DIP2C: variants seen among roughly 807,000 people sequenced by gnomAD.
DIP2C encodes the protein disco-interacting protein 2 homolog C.
DIP2C carries 33 observed loss-of-function variants against 192.4 expected under a neutral mutation model. The ratio of observed to expected loss-of-function variants is 0.17; its 90% CI spans 0.13 to 0.23. The LOEUF is 0.23. DIP2C is among the 10% of genes least tolerant of loss of function. The pLI is 1.00. For missense variants in DIP2C, 1,537 were observed against 2,110.1 expected, an observed-to-expected ratio of 0.73 and a Z score of 5.32; for synonymous variants, 979 against 864.1, an observed-to-expected ratio of 1.13 and a Z score of -2.33.
intron 3 of DIP2C, among the ~76,000 whole-genome samples, chr10:458,279 T>C (rs1371290902): frequency 2.0e-5 from 3 of 152,174 alleles, no homozygotes; most frequent in Non-Finnish European, 2.9e-5. Flanking sequence ...AATGAGAAAA[T>C]TGAGTTGTTC....
intron 32 of DIP2C, 79 bp downstream of exon 32, chr10:309,952 C>G (rs1323576374): frequency 2.9e-6 from 4 of 1,384,048 alleles, no homozygotes; most frequent in Non-Finnish European, 4.1e-6. Context: ...ACCTCTTCTT[C>G]TAGATGGAGA....
At chr10:635,985 G>A (rs539978092) in intron 1 of DIP2C, among the ~76,000 whole-genome samples, 1 of 152,316 alleles carries the variant, frequency 6.6e-6, no homozygotes, top group South Asian at 2.1e-4. Context: ...AAGTGAAGCC[G>A]TTACCACAGA....
chr10:297,356 A>G (rs1329905022), intron 32 of DIP2C, among the ~76,000 whole-genome samples: 3 of 151,658 alleles, frequency 2.0e-5, no homozygotes, highest in African/African-American at 7.3e-5. Flanking sequence ...TCATCAGTGT[A>G]CTGGAGAGAC....
intron 1 of DIP2C, among the ~76,000 whole-genome samples, chr10:529,235 C>G (rs1014329333): frequency 1.3e-5 from 2 of 152,154 alleles, no homozygotes; most frequent in Non-Finnish European, 2.9e-5. Context: ...GTACAGTGAG[C>G]ACTTATGGAC....
intron 1 of DIP2C, among the ~76,000 whole-genome samples, chr10:685,444 T>TG (rs1225269763): frequency 6.6e-6 from 1 of 151,946 alleles, no homozygotes. Flanking sequence ...GTACAAAGCA[T>TG]GGCACCTATT....
intron 3 of DIP2C, among the ~76,000 whole-genome samples, chr10:446,674 C>T (rs544513282): frequency 1.3e-5 from 2 of 152,314 alleles, no homozygotes; most frequent in South Asian, 4.1e-4. Context: ...CAGAGCGCCC[C>T]GGCTGCCACC....
chr10:430,747 A>T (rs1966848853), intron 4 of DIP2C, among the ~76,000 whole-genome samples: 1 of 152,290 alleles, frequency 6.6e-6, no homozygotes, highest in Non-Finnish European at 1.5e-5. Context: ...CTTATCACCA[A>T]ATCAAAGTCA....
intron 1 of DIP2C, among the ~76,000 whole-genome samples, chr10:521,506 A>T (rs959483852): frequency 3.9e-5 from 6 of 152,198 alleles, no homozygotes; most frequent in African/African-American, 1.4e-4. Flanking sequence ...GTGTGGTCCC[A>T]GCCCTGCTGC....
intron 1 of DIP2C, among the ~76,000 whole-genome samples, chr10:553,858 G>T (rs1848707011): frequency 6.6e-6 from 1 of 150,658 alleles, no homozygotes; most frequent in African/African-American, 2.4e-5. Context: ...GTATACGCTT[G>T]TAACTAACAG....
At chr10:541,169 A>G (rs1480225055) in intron 1 of DIP2C, among the ~76,000 whole-genome samples, 1 of 151,980 alleles carries the variant, frequency 6.6e-6, no homozygotes, top group African/African-American at 2.4e-5. Context: ...AGGAGCTGAG[A>G]ATGTACCAAA....
intron 1 of DIP2C, among the ~76,000 whole-genome samples, chr10:574,616 CAA>C (rs1850038991): frequency 6.6e-6 from 1 of 152,218 alleles, no homozygotes; most frequent in Admixed American, 6.5e-5. Flanking sequence ...GAAACATACT[CAA>C]GAGACCCTGA....
chr10:580,924 TAA>T (rs983975452), intron 1 of DIP2C, among the ~76,000 whole-genome samples: 1 of 151,952 alleles, frequency 6.6e-6, no homozygotes, highest in Admixed American at 6.5e-5. Context: ...AAGCACTCCT[TAA>T]AAAATTAGAA....
In DIP2C at chr10:390,520, C is replaced by A. The variant is rs759519044; in HGVS notation, c.1385-147G>T. On this transcript the variant is annotated intron_variant, in intron 11 of 36. Transcript: ENST00000280886. ...GACTTCACGAGATCTAAGACATCAA[C>A]AGAAGAGCACCCAAGCCGCCACCAT... 1.0e-5 allele frequency: 11 copies of A among 1,061,610 alleles called. No homozygotes were observed. The African/African-American group carries it at 1.6e-4, about 15-fold the overall frequency. The allele number at this position is 1,061,610 out of a possible 1,614,324, so 65.8% of individuals were successfully genotyped here.
intron 1 of DIP2C, chr10:668,783 A>C (rs1857270045): frequency 6.6e-6 from 1 of 152,274 alleles, no homozygotes; most frequent in Admixed American, 6.5e-5. Context: ...AACTGGTAAC[A>C]TGTCCTCATT....
intron 13 of DIP2C, among the ~76,000 whole-genome samples, chr10:388,496 G>A (rs1475121080): frequency 1.3e-5 from 2 of 152,324 alleles, no homozygotes; most frequent in Non-Finnish European, 2.9e-5. Flanking sequence ...GAGGATAATA[G>A]ACAGGAGGCT....
At chr10:426,825 G>GA (rs1011797870) in intron 4 of DIP2C, among the ~76,000 whole-genome samples, 11 of 151,914 alleles carry the variant, frequency 7.2e-5, no homozygotes, top group African/African-American at 1.2e-4. Context: ...AAGCATGGGG[G>GA]AAAAAATCCC....
chr10:282,795 C>T (rs1954903349), intron 35 of DIP2C, among the ~76,000 whole-genome samples: 1 of 152,264 alleles, frequency 6.6e-6, no homozygotes, highest in South Asian at 2.1e-4. Context: ...AGACAGCTGG[C>T]CACCAGGGCC....
At chr10:416,682 A>C (rs1203159346) in intron 6 of DIP2C, among the ~76,000 whole-genome samples, 1 of 152,222 alleles carries the variant, frequency 6.6e-6, no homozygotes, top group Non-Finnish European at 1.5e-5. Flanking sequence ...TCAATGAAAG[A>C]GTCAAGGTTT....
chr10:393,846 C>CAA (rs1963717489), intron 10 of DIP2C, among the ~76,000 whole-genome samples: 1 of 141,404 alleles, frequency 7.1e-6, no homozygotes, highest in African/African-American at 2.7e-5. Context: ...AAAAACAACC[C>CAA]ACAAGGAGAC....
Sources: gnomAD v4.1 joint callset for allele counts (sites outside exome capture counted in the v4.1 genomes callset) on GRCh38, gnomAD v4.1.1 for gene constraint, MANE v1.5 for transcripts, NCBI Gene and HGNC (gene_info 2026-07-23, HGNC 2026-07-21) for gene names.